Variants in GABRR2 observed in about 807,000 individuals in gnomAD.
The protein encoded by GABRR2 is gamma-aminobutyric acid receptor subunit rho-2.
A neutral mutation model predicts 47.0 loss-of-function variants in GABRR2; 36 were observed. The observed-to-expected ratio is 0.77, with a 90% CI of 0.59 to 1.01. The LOEUF (loss-of-function observed/expected upper bound fraction) is 1.01, where lower values mean the gene tolerates loss of function less well. Among genes scored for constraint, GABRR2 ranks in the 50% least tolerant of loss-of-function variants. The probability of loss-of-function intolerance (pLI) is 0.00; values close to 1 mark genes in which losing one functional copy is unlikely to be tolerated. For missense variants in GABRR2, 587 were observed against 594.6 expected, an observed-to-expected ratio of 0.99 and a Z score of 0.13; for synonymous variants, 204 against 227.5, an observed-to-expected ratio of 0.90 and a Z score of 0.93.
At chr6:89,312,543 G>GA (rs1409201044) in intron 1 of GABRR2, among the ~76,000 whole-genome samples, 1 of 152,226 alleles carries the variant, frequency 6.6e-6, no homozygotes, top group South Asian at 2.1e-4. Context: ...CCGTGTGTGT[G>GA]AACAGGACTT....
chr6:89,286,767 AG>A (rs1425771122), intron 2 of GABRR2, among the ~76,000 whole-genome samples: 5 of 152,104 alleles, frequency 3.3e-5, no homozygotes, highest in African/African-American at 4.8e-5. Context: ...GACACAGGGC[AG>A]GGAGGGAAGT....
chr6:89,274,935 C>T (rs1302875726), intron 2 of GABRR2, among the ~76,000 whole-genome samples: 1 of 152,074 alleles, frequency 6.6e-6, no homozygotes, highest in Non-Finnish European at 1.5e-5. Flanking sequence ...TTTGGGATTT[C>T]TCTTCTCTGG....
intron 2 of GABRR2, among the ~76,000 whole-genome samples, chr6:89,281,625 T>C (rs572158678): frequency 2.3e-4 from 35 of 152,216 alleles, no homozygotes; most frequent in Admixed American, 8.5e-4. Context: ...AAGATGTCTG[T>C]TAAGTGTGGA....
intron 1 of GABRR2, among the ~76,000 whole-genome samples, chr6:89,310,781 G>C (rs1480210821): frequency 6.6e-6 from 1 of 152,114 alleles, no homozygotes; most frequent in Non-Finnish European, 1.5e-5. Flanking sequence ...AGAGAATGAA[G>C]CTGCAGGGAC....
intron 1 of GABRR2, chr6:89,302,166 T>G (rs1767459035): frequency 1.7e-6 from 1 of 574,818 alleles, no homozygotes; most frequent in South Asian, 1.6e-5. Context: ...TGCGACGGTC[T>G]GTAGGGTTTC....
chr6:89,309,629 A>G (rs1767643415), intron 1 of GABRR2, among the ~76,000 whole-genome samples: 1 of 152,228 alleles, frequency 6.6e-6, no homozygotes, highest in Non-Finnish European at 1.5e-5. Flanking sequence ...ATAATTGAGC[A>G]GAAGGTACAG....
chr6:89,265,747 T>C lies in GABRR2; in HGVS notation c.755A>G (p.Tyr252Cys). The change falls in exon 7 of 9, where the codon TAC becomes TGC. Residue 252 changes from tyrosine (Y) to cysteine (C), a missense_variant. By Grantham distance (194) the Tyr-to-Cys change is radical (BLOSUM62 -2). Coordinates refer to ENST00000402938, the MANE Select transcript of GABRR2 (RefSeq NM_002043.5). ...YSSTGWYNRLYINFTLRRHIF... is the reference protein window; with the variant it reads ...YSSTGWYNRLCINFTLRRHIF... Reference sequence around the variant, plus strand: ...GTGGCGACGCAACGTGAAGTTAATGTACAGACGGTTGTACCAGCCTAGGGG... The same window carrying C: ...GTGGCGACGCAACGTGAAGTTAATGCACAGACGGTTGTACCAGCCTAGGGG... 6.2e-7 allele frequency: 1 copy of C among 1,614,072 alleles called. No homozygotes were observed.
intron 1 of GABRR2, among the ~76,000 whole-genome samples, chr6:89,307,814 C>CTTTTTTT (rs1247224346): frequency 8.0e-6 from 1 of 125,292 alleles, no homozygotes. Flanking sequence ...ACTTCATTCA[C>CTTTTTTT]TTTTTTTTTT....
intron 2 of GABRR2, among the ~76,000 whole-genome samples, chr6:89,284,627 G>C (rs1774303768): frequency 6.6e-6 from 1 of 152,180 alleles, no homozygotes; most frequent in Non-Finnish European, 1.5e-5. Context: ...ACAGAATGTG[G>C]ACGGCCTCTA....
chr6:89,271,533 G>A (rs765349805), intron 3 of GABRR2, 122 bp downstream of exon 3: 76 of 785,546 alleles, frequency 9.7e-5, no homozygotes, highest in African/African-American at 7.8e-4. Context: ...CTCCAGGGCC[G>A]ACTTCCAAGC....
At chr6:89,291,779 T>C (rs181240551) in intron 2 of GABRR2, among the ~76,000 whole-genome samples, 14 of 152,310 alleles carry the variant, frequency 9.2e-5, no homozygotes, top group African/African-American at 3.4e-4. Context: ...CAATAGACCA[T>C]CAGCTTCTTG....
chr6:89,284,788 C>T (rs761960037), intron 2 of GABRR2, among the ~76,000 whole-genome samples: 58 of 152,234 alleles, frequency 3.8e-4, no homozygotes, highest in African/African-American at 1.2e-3. Context: ...GTGTTGTCTC[C>T]GCATTTGTGA....
Position 89,259,284 on chromosome 6 carries a change from C to T in GABRR2, c.1087-1303G>A, listed in dbSNP as rs547080594. On this transcript the variant is annotated intron_variant, in intron 8 of 8. Coordinates refer to ENST00000402938, the MANE Select transcript of GABRR2 (RefSeq NM_002043.5). ...GAAATAATGAAGTTTCACAACCTGC[C>T]TCTTATTGTTATGGATCTTGAAACT... 7.2e-5 allele frequency among the ~76,000 whole-genome samples: 11 copies of T among 152,216 alleles called. No individual in the cohort carries two copies. The South Asian group carries it at 2.3e-3, about 32-fold the overall frequency.
chr6:89,275,632 G>C (rs927910220), intron 2 of GABRR2, among the ~76,000 whole-genome samples: 1 of 152,194 alleles, frequency 6.6e-6, no homozygotes, highest in African/African-American at 2.4e-5. Flanking sequence ...GGGGGTCTAG[G>C]TGAAGCAGAG....
chr6:89,264,251 T>C (rs1376825827), intron 8 of GABRR2, among the ~76,000 whole-genome samples, 161 bp downstream of exon 8: 1 of 152,160 alleles, frequency 6.6e-6, no homozygotes, highest in Admixed American at 6.5e-5. Flanking sequence ...TGGAATCCTT[T>C]GGGGTAGAAG....
intron 7 of GABRR2, 129 bp downstream of exon 7, chr6:89,265,484 T>G (rs1017369603): frequency 1.9e-5 from 19 of 1,003,356 alleles, no homozygotes; most frequent in Non-Finnish European, 2.5e-5. Flanking sequence ...GCAAGAAACA[T>G]GAAGTTGCTC....
In GABRR2 at chr6:89,265,730, G is replaced by T. The variant is rs901498818; in HGVS notation, c.772C>A (p.Arg258Ser). 6.2e-7 allele frequency: 1 copy of T among 1,613,958 alleles called. No individual in the cohort carries two copies. Among genetic ancestry groups the T allele is most frequent in the Admixed American group, 1.7e-5 (1 of 59,988 alleles). ...YNRLYINFTL[R>S]RHIFFFLLQT... ...AGCAAGAAGAAGAAGATGTGGCGACGCAACGTGAAGTTAATGTACAGACGG... is the reference window on the plus strand; with the variant it reads ...AGCAAGAAGAAGAAGATGTGGCGACTCAACGTGAAGTTAATGTACAGACGG... Residue 258 changes from arginine (R) to serine (S), a missense_variant, in exon 7 of 9, where the codon CGT becomes AGT. Arg to Ser is a moderately radical substitution (Grantham distance 110). Coordinates refer to ENST00000402938, the MANE Select transcript of GABRR2 (RefSeq NM_002043.5).
rs561753991 is a variant in GABRR2 at position 89,284,789 on chromosome 6, G to A, written c.221-13067C>T. 8.5e-5 allele frequency among the ~76,000 whole-genome samples: 13 copies of A among 152,252 alleles called. No homozygotes were observed. In the South Asian group the frequency reaches 2.3e-3, roughly 27 times the overall value. On this transcript the variant is annotated intron_variant, in intron 2 of 8. Coordinates refer to ENST00000402938, the MANE Select transcript of GABRR2 (RefSeq NM_002043.5). ...AATACATCTGTGTTGTGTTGTCTCC[G>A]CATTTGTGATAATTTGTTATAAAAC...
chr6:89,305,844 G>A (rs549456822), intron 1 of GABRR2, among the ~76,000 whole-genome samples: 2 of 152,044 alleles, frequency 1.3e-5, no homozygotes, highest in Non-Finnish European at 2.9e-5. Context: ...AATAACTGTC[G>A]AGTACGGGGC....
Sources: allele counts gnomAD v4.1 joint callset (sites outside exome capture counted in the v4.1 genomes callset), GRCh38; gene constraint gnomAD v4.1.1; transcripts MANE v1.5; gene names NCBI Gene and HGNC (gene_info 2026-07-23, HGNC 2026-07-21).